HMBOX1: variants seen among roughly 807,000 people sequenced by gnomAD.
The protein encoded by HMBOX1 is homeobox-containing protein 1.
In HMBOX1, 14 loss-of-function variants were observed where a neutral mutation model predicts 54.5. That is an observed-to-expected ratio of 0.26 (90% CI 0.17 to 0.40). The LOEUF is 0.40. HMBOX1 is among the 10% of genes least tolerant of loss of function. The probability of loss-of-function intolerance (pLI) is 1.00; values close to 1 mark genes in which losing one functional copy is unlikely to be tolerated. For missense variants in HMBOX1, 332 were observed against 514.4 expected (o/e 0.65, Z 3.43); for synonymous variants, 160 against 181.0 (o/e 0.88, Z 0.93).
At chr8:29,011,207 T>G (rs991373253) in intron 5 of HMBOX1, among the ~76,000 whole-genome samples, 1 of 152,232 alleles carries the variant, frequency 6.6e-6, no homozygotes, top group African/African-American at 2.4e-5. Context: ...ATTGTATGTT[T>G]GAAAATTTTT....
At chr8:29,049,846 TG>T (rs1244743910) in intron 9 of HMBOX1, among the ~76,000 whole-genome samples, 1 of 152,236 alleles carries the variant, frequency 6.6e-6, no homozygotes, top group African/African-American at 2.4e-5. Context: ...CTCATTTTTC[TG>T]GGGTCTGTGC....
chr8:28,933,442 G>A (rs1032335198), intron 1 of HMBOX1, among the ~76,000 whole-genome samples: 1 of 152,128 alleles, frequency 6.6e-6, no homozygotes, highest in African/African-American at 2.4e-5. Flanking sequence ...AGTAAACAGA[G>A]GGAGTTAAAT....
intron 1 of HMBOX1, 37 bp from the exon 2 acceptor site, chr8:28,963,774 C>A: frequency 2.0e-6 from 2 of 1,016,590 alleles, no homozygotes; most frequent in Non-Finnish European, 2.9e-6. Context: ...ACTTGATTAA[C>A]ATAAATGTTT....
At position 28,995,950 on chromosome 8, in the gene HMBOX1, C is replaced by CA. The variant is rs1256639990; in HGVS notation, c.587-13118dup. ...ACCCCGTCTCTACTAAAAAAAAATA[C>CA]AAAACATTAGCCGGGCGTGGTGGCA... On this transcript the variant is annotated intron_variant, in intron 4 of 9. Coordinates refer to ENST00000287701, the MANE Select transcript of HMBOX1 (RefSeq NM_001135726.3). 3.9e-5 allele frequency among the ~76,000 whole-genome samples: 6 copies of CA among 152,034 alleles called. No individual in the cohort carries two copies. In the East Asian group the frequency reaches 1.2e-3, roughly 29 times the overall value.
chr8:29,009,958 T>C (rs1411065885), intron 5 of HMBOX1: 1 of 1,051,904 alleles, frequency 9.5e-7, no homozygotes, highest in African/African-American at 1.7e-5. Context: ...CTCAAAGCCT[T>C]TGCACACAGA....
In HMBOX1 at chr8:28,992,203, G is replaced by C. The variant is rs7003944; in HGVS notation, c.586+12047G>C. Among the ~76,000 whole-genome samples the C allele has an allele frequency of 5.7e-3, 870 of 152,278 alleles. 4 individuals carry two copies. The highest frequency in any genetic ancestry group is 0.02 in the African/African-American group (845 of 41,556). Reference sequence around the variant, plus strand: ...ATTATGTAACTTTGGCCAAATTACTGAATGTCTTAACCCTCAGTTTCTCCT... The same window carrying C: ...ATTATGTAACTTTGGCCAAATTACTCAATGTCTTAACCCTCAGTTTCTCCT... On this transcript the variant is annotated intron_variant, in intron 4 of 9. Transcript: ENST00000287701.
chr8:29,013,964 A>T (rs1003191820), intron 5 of HMBOX1, among the ~76,000 whole-genome samples: 1 of 152,220 alleles, frequency 6.6e-6, no homozygotes, highest in African/African-American at 2.4e-5. Context: ...CAGAAGAAAC[A>T]TCCAGTCCTT....
chr8:28,968,565 T>C (rs750175755), intron 2 of HMBOX1, among the ~76,000 whole-genome samples: 13 of 151,982 alleles, frequency 8.6e-5, no homozygotes, highest in Non-Finnish European at 1.8e-4. Flanking sequence ...CCATGGGGAG[T>C]TGCTGTGAGA....
chr8:28,981,793 A>G (rs1374880851), intron 4 of HMBOX1, among the ~76,000 whole-genome samples: 2 of 152,206 alleles, frequency 1.3e-5, no homozygotes, highest in African/African-American at 4.8e-5. Context: ...CATGGAATAA[A>G]CCATAATGGG....
rs1402922665 is a variant in HMBOX1 at position 28,990,749 on chromosome 8, G to A, written c.586+10593G>A. 4.6e-5 allele frequency among the ~76,000 whole-genome samples: 7 copies of A among 152,146 alleles called. No individual in the cohort carries two copies. In the East Asian group the frequency reaches 9.7e-4, roughly 21 times the overall value. On this transcript the variant is annotated intron_variant, in intron 4 of 9. Transcript: ENST00000287701. The stretch of plus-strand genomic sequence containing the variant: ...CGGCTCACTGCAACTTCTGTCCTAG[G>A]TTCAAGCGATTCTCCTATCTCAGCC...
intron 1 of HMBOX1, among the ~76,000 whole-genome samples, chr8:28,900,864 A>G (rs1310429369): frequency 1.3e-5 from 2 of 152,002 alleles, no homozygotes; most frequent in Non-Finnish European, 2.9e-5. Context: ...TCATGAATTA[A>G]TTTCTCACCT....
At chr8:28,911,093 T>C (rs1815324913) in intron 1 of HMBOX1, among the ~76,000 whole-genome samples, 1 of 152,208 alleles carries the variant, frequency 6.6e-6, no homozygotes, top group Non-Finnish European at 1.5e-5. Context: ...AACATCATCT[T>C]TTACTGTAAT....
chr8:28,925,842 G>A (rs998284652), intron 1 of HMBOX1, among the ~76,000 whole-genome samples: 2 of 151,992 alleles, frequency 1.3e-5, no homozygotes, highest in African/African-American at 4.8e-5. Context: ...TCTCTCAATT[G>A]TTATTTTTGG....
chr8:29,013,890 T>C (rs1834577146), intron 5 of HMBOX1, among the ~76,000 whole-genome samples: 1 of 152,200 alleles, frequency 6.6e-6, no homozygotes, highest in Non-Finnish European at 1.5e-5. Context: ...TTCTGCATGC[T>C]TCTAAACAAT....
intron 4 of HMBOX1, among the ~76,000 whole-genome samples, chr8:29,007,734 G>A (rs551663087): frequency 6.6e-6 from 1 of 152,238 alleles, no homozygotes; most frequent in Admixed American, 6.5e-5. Flanking sequence ...TTGGGAGGCC[G>A]AGGTGAGAGG....
At chr8:28,935,281 T>C (rs551165996) in intron 1 of HMBOX1, among the ~76,000 whole-genome samples, 35 of 152,176 alleles carry the variant, frequency 2.3e-4, no homozygotes, top group Non-Finnish European at 4.7e-4. Context: ...CTGTCATTTA[T>C]ATGGAAATTC....
chr8:28,923,085 A>G (rs1817818965), intron 1 of HMBOX1, among the ~76,000 whole-genome samples: 1 of 152,246 alleles, frequency 6.6e-6, no homozygotes, highest in Non-Finnish European at 1.5e-5. Flanking sequence ...ATACATTTAC[A>G]GTGTTGCACA....
intron 4 of HMBOX1, among the ~76,000 whole-genome samples, chr8:28,995,160 C>T (rs1215926780): frequency 6.6e-6 from 1 of 152,154 alleles, no homozygotes; most frequent in African/African-American, 2.4e-5. Context: ...GCAGTAATTT[C>T]CAGTCCCCCA....
chr8:28,968,490 A>C (rs980609211), intron 2 of HMBOX1, among the ~76,000 whole-genome samples: 2 of 152,222 alleles, frequency 1.3e-5, no homozygotes, highest in Non-Finnish European at 2.9e-5. Context: ...ACAAAACTAC[A>C]CTGAGCTTTA....
Sources: allele counts gnomAD v4.1 joint callset (sites outside exome capture counted in the v4.1 genomes callset), GRCh38; gene constraint gnomAD v4.1.1; transcripts MANE v1.5; gene names NCBI Gene and HGNC (gene_info 2026-07-23, HGNC 2026-07-21).